BACH2: variants seen among roughly 807,000 people sequenced by gnomAD.
BACH2 encodes transcription regulator protein BACH2.
A neutral mutation model predicts 61.8 loss-of-function variants in BACH2; 5 were observed. The ratio of observed to expected loss-of-function variants is 0.08; its 90% confidence interval spans 0.04 to 0.17. BACH2 has a LOEUF of 0.17. Ranked by LOEUF, BACH2 falls within the 10% of genes least tolerant of loss-of-function variation. The probability of loss-of-function intolerance (pLI) is 1.00; values close to 1 mark genes in which losing one functional copy is unlikely to be tolerated. For synonymous variants in BACH2, 446 were observed against 440.1 expected, an observed-to-expected ratio of 1.01 and a Z score of -0.17; for missense variants, 824 against 1,091.1, an observed-to-expected ratio of 0.76 and a Z score of 3.45.
chr6:90,107,144 C>T (rs1191270336), intron 4 of BACH2, among the ~76,000 whole-genome samples: 10 of 152,146 alleles, frequency 6.6e-5, no homozygotes, highest in East Asian at 3.9e-4. Flanking sequence ...GAGGCCGAGG[C>T]GGGTGGATCA....
intron 5 of BACH2, among the ~76,000 whole-genome samples, chr6:90,016,568 T>C (rs1778075158): frequency 6.6e-6 from 1 of 152,172 alleles, no homozygotes; most frequent in African/African-American, 2.4e-5. Flanking sequence ...TATGCTTCCA[T>C]TTCTCCCTTC....
At chr6:89,944,727 T>G (rs1773631617) in intron 7 of BACH2, among the ~76,000 whole-genome samples, 1 of 151,124 alleles carries the variant, frequency 6.6e-6, no homozygotes, top group African/African-American at 2.4e-5. Context: ...ACACACTCTC[T>G]TACTCTCATA....
In BACH2 at chr6:90,018,185, G is replaced by A. The variant is rs548359426; in HGVS notation, c.-12-9329C>T. 1.1e-4 allele frequency among the ~76,000 whole-genome samples: 17 copies of A among 152,162 alleles called. No individual in the cohort carries two copies. The East Asian group carries it at 3.3e-3, about 29-fold the overall frequency. On this transcript the variant is annotated intron_variant, in intron 5 of 8. Coordinates refer to ENST00000257749, the MANE Select transcript of BACH2 (RefSeq NM_021813.4). ...TTTGGGTGGCTGTCTCTCCATCCTT[G>A]GGTAGTTTTCTTACCTGCATCTGCT...
intron 5 of BACH2, among the ~76,000 whole-genome samples, chr6:90,068,737 CAACATAGCTGAG>C (rs1781082689): frequency 6.6e-6 from 1 of 151,648 alleles, no homozygotes. Context: ...AAGTAAAAAG[CAACATAGCTGAG>C]TGGGAGAAAA....
chr6:89,937,324 C>T (rs900047851), intron 8 of BACH2, among the ~76,000 whole-genome samples: 1 of 152,114 alleles, frequency 6.6e-6, no homozygotes, highest in Non-Finnish European at 1.5e-5. Context: ...TGGTACAAGA[C>T]ACGATTTGGA....
At chr6:90,028,571 A>G (rs577917652) in intron 5 of BACH2, among the ~76,000 whole-genome samples, 1 of 152,142 alleles carries the variant, frequency 6.6e-6, no homozygotes, top group Admixed American at 6.5e-5. Context: ...AACCATGACC[A>G]CAATGCTACC....
intron 1 of BACH2, among the ~76,000 whole-genome samples, chr6:90,282,842 C>T (rs1488234217): frequency 6.6e-6 from 1 of 151,892 alleles, no homozygotes; most frequent in East Asian, 1.9e-4. Flanking sequence ...TCTTAAAGCA[C>T]ATAGGTAATC....
At chr6:90,151,339 C>T (rs1312103681) in intron 4 of BACH2, among the ~76,000 whole-genome samples, 1 of 152,274 alleles carries the variant, frequency 6.6e-6, no homozygotes, top group East Asian at 1.9e-4. Context: ...GGCTGGAATA[C>T]AGTGGTACAA....
chr6:90,092,291 A>AAAAAAAAAAATATATAT, intron 4 of BACH2, among the ~76,000 whole-genome samples: 3 of 113,838 alleles, frequency 2.6e-5, no homozygotes, highest in African/African-American at 3.6e-5. Flanking sequence ...AAAAAAAAAA[A>AAAAAAAAAAATATATAT]ATATATATAT....
chr6:90,192,712 G>A (rs1768617376), intron 4 of BACH2, among the ~76,000 whole-genome samples: 1 of 152,154 alleles, frequency 6.6e-6, no homozygotes, highest in South Asian at 2.1e-4. Context: ...GATTTCACTA[G>A]TTTCACAAGA....
intron 4 of BACH2, among the ~76,000 whole-genome samples, chr6:90,173,987 C>G (rs911577200): frequency 6.6e-6 from 1 of 152,082 alleles, no homozygotes; most frequent in African/African-American, 2.4e-5. Flanking sequence ...TAAACCCATA[C>G]ACAGTTAATT....
intron 5 of BACH2, among the ~76,000 whole-genome samples, chr6:90,058,918 CA>C (rs1246067407): frequency 2.6e-5 from 4 of 152,184 alleles, no homozygotes; most frequent in African/African-American, 9.7e-5. Flanking sequence ...ACTGGTTAGC[CA>C]TATGTAGAAA....
chr6:90,172,433 A>C (rs1562486487), intron 4 of BACH2, among the ~76,000 whole-genome samples: 1 of 152,132 alleles, frequency 6.6e-6, no homozygotes, highest in Non-Finnish European at 1.5e-5. Context: ...CATTCAAAAT[A>C]ATTTTTTTTT....
chr6:90,161,542 T>G (rs761849273), intron 4 of BACH2, among the ~76,000 whole-genome samples: 4 of 152,172 alleles, frequency 2.6e-5, no homozygotes, highest in Non-Finnish European at 5.9e-5. Context: ...AAAGTACACA[T>G]GTGCTTATTT....
intron 3 of BACH2, among the ~76,000 whole-genome samples, chr6:90,215,055 A>T (rs191187154): frequency 3.2e-4 from 48 of 152,204 alleles, no homozygotes; most frequent in Non-Finnish European, 4.7e-4. Context: ...GTATCTGGCC[A>T]TATTCTGTAC....
intron 5 of BACH2, among the ~76,000 whole-genome samples, chr6:90,033,351 T>TA (rs57759686): frequency 0.091 from 7,571 of 83,460 alleles, 239 homozygotes; most frequent in Admixed American, 0.21. Context: ...GAAACTTAAA[T>TA]AAAAAAAAAA....
chr6:90,079,532 G>A (rs1781630052), intron 5 of BACH2, among the ~76,000 whole-genome samples: 1 of 152,144 alleles, frequency 6.6e-6, no homozygotes, highest in Non-Finnish European at 1.5e-5. Flanking sequence ...CTTCGGAAGA[G>A]AAAAGTGCTG....
chr6:90,124,029 T>C (rs1362513509), intron 4 of BACH2, among the ~76,000 whole-genome samples: 1 of 152,124 alleles, frequency 6.6e-6, no homozygotes, highest in Non-Finnish European at 1.5e-5. Context: ...TGTCAAAAAC[T>C]GATATCTCCA....
intron 4 of BACH2, among the ~76,000 whole-genome samples, chr6:90,105,070 C>T (rs2127813632): frequency 6.6e-6 from 1 of 152,306 alleles, no homozygotes; most frequent in African/African-American, 2.4e-5. Context: ...GTGCCTTTGT[C>T]TGGAGCCCTA....
Sources: gnomAD v4.1 joint callset for allele counts (sites outside exome capture counted in the v4.1 genomes callset) on GRCh38, gnomAD v4.1.1 for gene constraint, MANE v1.5 for transcripts, NCBI Gene and HGNC (gene_info 2026-07-23, HGNC 2026-07-21) for gene names.